AFDN: variants seen among roughly 807,000 people sequenced by gnomAD.
The protein encoded by AFDN is afadin.
In AFDN, 68 loss-of-function variants were observed where a neutral mutation model predicts 216.6. The ratio of observed to expected loss-of-function variants is 0.31; its 90% CI spans 0.26 to 0.38. The LOEUF (loss-of-function observed/expected upper bound fraction) is 0.38. Among genes scored for constraint, AFDN ranks in the 10% least tolerant of loss-of-function variants. The pLI is 1.00. For missense variants in AFDN, 2,136 were observed against 2,342.0 expected (o/e 0.91, Z 1.82); for synonymous variants, 868 against 853.7 (o/e 1.02, Z -0.29).
intron 8 of AFDN, 96 bp downstream of exon 8, chr6:167,891,125 G>A (rs1312874714): frequency 2.0e-6 from 2 of 1,003,366 alleles, no homozygotes; most frequent in African/African-American, 1.6e-5. Context: ...GTCTTCTGTT[G>A]GCTGACTTAA....
At chr6:167,899,029 A>G (rs969236128) in intron 11 of AFDN, among the ~76,000 whole-genome samples, 1 of 152,058 alleles carries the variant, frequency 6.6e-6, no homozygotes, top group Non-Finnish European at 1.5e-5. Flanking sequence ...AAGCCACTTC[A>G]TTGTCTATTT....
At chr6:167,900,058 T>C (rs187734643) in intron 11 of AFDN, among the ~76,000 whole-genome samples, 2 of 152,354 alleles carry the variant, frequency 1.3e-5, no homozygotes, top group East Asian at 3.9e-4. Flanking sequence ...GCAGAGATCA[T>C]TGAAGAACAT....
chr6:167,827,279 C>T, intron 1 of AFDN, 42 bp downstream of exon 1: 1 of 868,104 alleles, frequency 1.2e-6, no homozygotes, highest in Non-Finnish European at 1.4e-6. Flanking sequence ...CCCCCGCCCG[C>T]TGCGCCGCGC....
chr6:167,912,328 T>C (rs1562658218), intron 15 of AFDN, among the ~76,000 whole-genome samples: 1 of 152,262 alleles, frequency 6.6e-6, no homozygotes, highest in African/African-American at 2.4e-5. Context: ...TGTTGTTATT[T>C]AACTTAATAA....
At chr6:167,947,026 G>A (rs1313592611) in intron 27 of AFDN, 125 bp downstream of exon 27, 2 of 806,262 alleles carry the variant, frequency 2.5e-6, no homozygotes, top group Non-Finnish European at 3.8e-6. Context: ...CTAGGATATG[G>A]TTTTCATAAG....
At chr6:167,907,854 T>C (rs533747753) in intron 13 of AFDN, among the ~76,000 whole-genome samples, 13 of 152,348 alleles carry the variant, frequency 8.5e-5, no homozygotes, top group East Asian at 5.8e-4. Flanking sequence ...CCTTGTCTTA[T>C]GATTTTTAAC....
At chr6:167,832,848 C>T (rs1419373027) in intron 1 of AFDN, among the ~76,000 whole-genome samples, 1 of 152,198 alleles carries the variant, frequency 6.6e-6, no homozygotes, top group Non-Finnish European at 1.5e-5. Flanking sequence ...CATGTTTACA[C>T]TTTGCTGTGT....
rs1293238777 is a variant in AFDN, at chr6:167,951,601, G to A, written c.4247G>A (p.Arg1416Gln). 12 of 1,613,970 alleles carry A rather than the reference G, an allele frequency of 7.4e-6. No individual in the cohort carries two copies. The highest frequency in any genetic ancestry group is 3.3e-5 in the South Asian group (3 of 91,042). ...LPSAQVAAAE[R>Q]RKREEHQRWY... The stretch of plus-strand genomic sequence containing the variant: ...TCTGCGCAGGTGGCTGCTGCTGAAC[G>A]GAGAAAGAGAGAAGAACATCAGCGT... Residue 1416 changes from arginine (R) to glutamine (Q), a missense_variant, in exon 30 of 34, where the codon CGG becomes CAG. Transcript: ENST00000683244. This position sits in a 1 kb window ranked among gnomAD's most constrained non-coding sequence, Gnocchi z 7.1.
At chr6:167,850,302 A>T (rs1782155472) in intron 1 of AFDN, among the ~76,000 whole-genome samples, 1 of 152,156 alleles carries the variant, frequency 6.6e-6, no homozygotes, top group African/African-American at 2.4e-5. Flanking sequence ...AGGTCTTAAG[A>T]TAGTGGAGGC....
intron 2 of AFDN, 145 bp downstream of exon 2, chr6:167,864,891 T>G: frequency 1.2e-6 from 1 of 848,102 alleles, no homozygotes; most frequent in Non-Finnish European, 2.0e-6. Flanking sequence ...GCTGGCAGGC[T>G]GAGAAAACTG....
intron 1 of AFDN, among the ~76,000 whole-genome samples, chr6:167,845,459 G>A (rs528901684): frequency 4.0e-5 from 6 of 151,794 alleles, no homozygotes; most frequent in South Asian, 2.1e-4. Flanking sequence ...GTGCAATGGC[G>A]CGATCTTGGC....
rs147409569 is a variant in AFDN at position 167,898,215 on chromosome 6, C to T, written c.1328C>T (p.Pro443Leu). 6.2e-7 allele frequency: 1 copy of T among 1,613,432 alleles called. No homozygotes were observed. The highest frequency in any genetic ancestry group is 8.5e-7 in the Non-Finnish European group (1 of 1,179,558). The change falls in exon 11 of 34, where the codon CCA becomes CTA. Residue 443 changes from proline to leucine, a missense_variant. Pro to Leu is a moderately conservative substitution (Grantham distance 98, BLOSUM62 -3). Around this residue, in one of 8 missense-constraint regions of AFDN, gnomAD observed 817 missense variants for 965.7 expected, o/e 0.85. Coordinates refer to ENST00000683244, the MANE Select transcript of AFDN (RefSeq NM_001386888.1). ...LDDNSIQLFGPGIQPHHCDLT... is the reference protein window; with the variant it reads ...LDDNSIQLFGLGIQPHHCDLT... ...TCCTTCGGTTTCCAGTTGTTTGGCC[C>T]AGGAATTCAGCCCCATCACTGTGAC...
At chr6:167,948,147 GTTAT>G (rs1444435294) in intron 28 of AFDN, 142 bp from the exon 29 acceptor site, 3 of 804,476 alleles carry the variant, frequency 3.7e-6, no homozygotes, top group Non-Finnish European at 5.7e-6. Context: ...AAAATGAAAT[GTTAT>G]TTATTCTCAG....
At chr6:167,947,109 A>C (rs1257446637) in intron 27 of AFDN, among the ~76,000 whole-genome samples, 2 of 152,256 alleles carry the variant, frequency 1.3e-5, no homozygotes, top group Non-Finnish European at 2.9e-5. Context: ...TCCCATAAGC[A>C]AATACATTAA....
Position 167,827,036 on chromosome 6 carries a change from G to GGCCGGC in AFDN, c.-96_-95insCCGGCG, listed in dbSNP as rs1779157636. On this transcript the variant is annotated 5_prime_UTR_variant, in exon 1 of 34. Transcript: ENST00000683244. Reference sequence around the variant, plus strand: ...AGCCGCGGAGGCGGAGGCGGCCGGCGGGGGGTGGCGAGGGGCGCCGGGCCC... The same window carrying GGCCGGC: ...AGCCGCGGAGGCGGAGGCGGCCGGCGGCCGGCGGGGGTGGCGAGGGGCGCCGGGCCC... 2.3e-6 allele frequency: 1 copy of GGCCGGC among 434,112 alleles called. No homozygotes were observed. Among genetic ancestry groups the GGCCGGC allele is most frequent in the African/African-American group, 2.2e-5 (1 of 46,128 alleles). 26.9% of individuals were successfully genotyped at this position (434,112 alleles called of 1,614,324 possible).
intron 23 of AFDN, among the ~76,000 whole-genome samples, chr6:167,929,299 A>G (rs1458901310): frequency 2.0e-5 from 3 of 152,186 alleles, no homozygotes; most frequent in Non-Finnish European, 4.4e-5. Context: ...AGACCAGGAA[A>G]TAACAATGTT....
At chr6:167,963,549 T>C (rs1022846093) in intron 31 of AFDN, 10 of 1,057,484 alleles carry the variant, frequency 9.5e-6, no homozygotes, top group East Asian at 5.3e-5. Flanking sequence ...TACAGAACAA[T>C]CTAAGAGTAA....
At position 167,965,977 on chromosome 6, in the gene AFDN, ACTCGCTGTTCAC is replaced by A. The variant is rs1184343957; in HGVS notation, c.5190_5201del (p.Ser1731_Thr1734del). On this transcript the variant is annotated inframe_deletion, in exon 32 of 34. Transcript: ENST00000683244. ...CTCAAAACACAGGTCCTCTCCCCCG[ACTCGCTGTTCAC>A]TGCCAAGTTTGTTGCATACAATGAG... 6.5e-7 allele frequency: 1 copy of A among 1,546,342 alleles called. No homozygotes were observed. The highest frequency in any genetic ancestry group is 8.7e-7 in the Non-Finnish European group (1 of 1,144,706).
chr6:167,878,408 T>G (rs1785661011), intron 5 of AFDN, among the ~76,000 whole-genome samples: 1 of 152,168 alleles, frequency 6.6e-6, no homozygotes, highest in East Asian at 1.9e-4. Flanking sequence ...TGCCTTCTGG[T>G]GTCATGGAAA....
Sources: gnomAD v4.1 joint callset for allele counts (sites outside exome capture counted in the v4.1 genomes callset) on GRCh38, gnomAD v4.1.1 for gene constraint, gnomAD v4.1.1 regional missense constraint, Gnocchi (gnomAD v3.1) non-coding constraint, MANE v1.5 for transcripts, NCBI Gene and HGNC (gene_info 2026-07-23, HGNC 2026-07-21) for gene names.